Variants in TMPRSS6 observed in about 807,000 individuals in gnomAD.
The protein encoded by TMPRSS6 is transmembrane protease serine 6.
Under a neutral mutation model 101.5 loss-of-function variants are expected in TMPRSS6, and 67 were observed. That is an observed-to-expected ratio of 0.66 (90% CI 0.54 to 0.81). TMPRSS6 has a LOEUF of 0.81. Ranked by LOEUF, TMPRSS6 falls within the 30% of genes least tolerant of loss-of-function variation. TMPRSS6 has a pLI of 0.00. For missense variants in TMPRSS6, 1,034 were observed against 1,088.7 expected, an observed-to-expected ratio of 0.95 and a Z score of 0.71; for synonymous variants, 453 against 464.9, an observed-to-expected ratio of 0.97 and a Z score of 0.33.
rs1569005359 is a variant in TMPRSS6, at chr22:37,078,784, GA to G, written c.1197-3505del. Among the ~76,000 whole-genome samples the G allele has an allele frequency of 1.6e-3, 226 of 138,540 alleles. 1 individual carries two copies. The highest frequency in any genetic ancestry group is 6.5e-3 in the African/African-American group (214 of 33,092). 90.9% of individuals were successfully genotyped at this position (138,540 alleles called of 152,430 possible). A position where few individuals can be genotyped will look rare whatever the true frequency, so the allele number is the denominator to read the frequency against. On this transcript the variant is annotated intron_variant, in intron 10 of 17. Transcript: ENST00000676104. ...AAGAGAATGAGGAGAAGGAGGAGGA[GA>G]AGAAGAAGGAGGAGGAGGAAGAGGA...
rs995492515 is a variant in TMPRSS6 at position 37,074,635 on chromosome 22, G to A, written c.1416C>T (p.Pro472=). 1.9e-6 allele frequency: 3 copies of A among 1,614,078 alleles called. No individual in the cohort carries two copies. Among genetic ancestry groups the A allele is most frequent in the African/African-American group, 1.3e-5 (1 of 74,930 alleles). Residue 472 remains proline (P), a synonymous_variant, in exon 12 of 18, where the codon CCC becomes CCT. Transcript: ENST00000676104. ...CGCAGTTTCTCTCATCCAGGCCGTT[G>A]GGGCAGTCCTTGACCCCATCACAGG... ...VPACDGVKDC[P]NGLDERNCVC... is the part of the protein sequence containing the mutation.
intron 13 of TMPRSS6, among the ~76,000 whole-genome samples, 170 bp downstream of exon 13, chr22:37,073,346 AGATGGATGGATGGATG>A (rs61496676): frequency 1.1e-4 from 15 of 140,938 alleles, no homozygotes; most frequent in African/African-American, 2.2e-4. Context: ...GGAGACCAGA[AGATGGATGGATGGATG>A]GATGGATGGA....
At chr22:37,094,428 T>G (rs2743823) in intron 6 of TMPRSS6, among the ~76,000 whole-genome samples, 29,890 of 136,120 alleles carry the variant, frequency 0.22, 3,066 homozygotes, top group Non-Finnish European at 0.23. Flanking sequence ...GATAGATAGA[T>G]ATAAACAGAC....
At chr22:37,096,491 G>T (rs989333716) in intron 4 of TMPRSS6, among the ~76,000 whole-genome samples, 157 bp downstream of exon 4, 1 of 152,176 alleles carries the variant, frequency 6.6e-6, no homozygotes, top group African/African-American at 2.4e-5. Flanking sequence ...TGAGCCCAGT[G>T]AAGGGAGGGT....
intron 3 of TMPRSS6, 24 bp from the exon 4 acceptor site, chr22:37,096,739 C>A: frequency 6.4e-7 from 1 of 1,556,252 alleles, no homozygotes; most frequent in South Asian, 1.2e-5. Context: ...AGACAACAGC[C>A]CCTGGGACCC....
At chr22:37,096,210 C>G in intron 4 of TMPRSS6, 120 bp from the exon 5 acceptor site, 1 of 1,146,126 alleles carries the variant, frequency 8.7e-7, no homozygotes, top group Non-Finnish European at 1.3e-6. Context: ...CGTCTTCACG[C>G]AGAAGCCTCC....
chr22:37,067,721 G>C (rs1926439011), intron 16 of TMPRSS6, among the ~76,000 whole-genome samples: 1 of 130,764 alleles, frequency 7.6e-6, no homozygotes, highest in South Asian at 2.3e-4. Context: ...CAGTCCCCCG[G>C]GGAGCCTTGA....
At chr22:37,094,205 C>T (rs1413935121) in intron 6 of TMPRSS6, among the ~76,000 whole-genome samples, 5 of 152,106 alleles carry the variant, frequency 3.3e-5, no homozygotes, top group Non-Finnish European at 7.4e-5. Flanking sequence ...CAACCTCAGA[C>T]TCTGTAGAGG....
At chr22:37,095,666 T>C (rs1295725038) in intron 5 of TMPRSS6, 74 bp from the exon 6 acceptor site, 2 of 1,409,756 alleles carry the variant, frequency 1.4e-6, no homozygotes, top group Admixed American at 2.4e-5. Context: ...ACAATGAAAA[T>C]AAAATTAGAG....
chr22:37,088,575 G>A (rs1928971067), intron 7 of TMPRSS6, among the ~76,000 whole-genome samples: 1 of 152,126 alleles, frequency 6.6e-6, no homozygotes, highest in African/African-American at 2.4e-5. Context: ...GGCTCCCAGA[G>A]GTCAAGGCCA....
chr22:37,078,973 A>AAAAGGAAGAAAGAAAGAAAG (rs1928005845), intron 10 of TMPRSS6, among the ~76,000 whole-genome samples: 1 of 106,510 alleles, frequency 9.4e-6, no homozygotes, highest in Non-Finnish European at 1.9e-5. Flanking sequence ...GAAAGAAAGA[A>AAAAGGAAGAAAGAAAGAAAG]AAAGAAAGAA....
chr22:37,082,889 T>G, intron 10 of TMPRSS6: 1 of 450,268 alleles, frequency 2.2e-6, no homozygotes, highest in East Asian at 7.0e-5. Context: ...CCCAGATAAA[T>G]TGCAAAAAGG....
upstream of TMPRSS6, among the ~76,000 whole-genome samples, chr22:37,110,424 A>G (rs576115405): frequency 6.6e-6 from 1 of 152,006 alleles, no homozygotes; most frequent in Non-Finnish European, 1.5e-5. Context: ...GATTACAGGC[A>G]TGAGCGACCG....
In TMPRSS6 at chr22:37,066,126, G is replaced by T. The variant is rs1926254405; in HGVS notation, c.2363C>A (p.Thr788Asn). 1 of 1,613,550 alleles carries T rather than the reference G, an allele frequency of 6.2e-7. No homozygotes were observed. The highest frequency in any genetic ancestry group is 8.5e-7 in the Non-Finnish European group (1 of 1,180,024). Residue 788 changes from threonine to asparagine, a missense_variant, in exon 18 of 18, where the codon ACC (threonine) becomes AAC (asparagine). Physicochemically the swap from Thr to Asn is moderately conservative, Grantham distance 65 (BLOSUM62 0). Transcript: ENST00000676104. ...CCAGCTGATCACACCTGTGATGCGG[G>T]TGTAGACGCCGAAGTAGTTAGGCCG... ...CGRPNYFGVY[T>N]RITGVISWIQ...
chr22:37,072,603 A>T (rs1231766657), intron 13 of TMPRSS6, among the ~76,000 whole-genome samples: 4 of 133,828 alleles, frequency 3.0e-5, no homozygotes, highest in Non-Finnish European at 6.4e-5. Flanking sequence ...TGATGGATGG[A>T]TGGATGGATG....
intron 3 of TMPRSS6, among the ~76,000 whole-genome samples, chr22:37,097,687 AGCGGGCCACC>A (rs1929891857): frequency 2.1e-5 from 3 of 145,280 alleles, no homozygotes; most frequent in Non-Finnish European, 3.0e-5. Flanking sequence ...GAGGGGCAGG[AGCGGGCCACC>A]GTCTTGTAAC....
intron 10 of TMPRSS6, among the ~76,000 whole-genome samples, chr22:37,079,035 G>A (rs1363442445): frequency 6.6e-6 from 1 of 151,952 alleles, no homozygotes; most frequent in African/African-American, 2.4e-5. Flanking sequence ...GAGAAAGAAA[G>A]AAAAGCCCCG....
intron 5 of TMPRSS6, 56 bp downstream of exon 5, chr22:37,095,850 G>A: frequency 6.2e-7 from 1 of 1,605,308 alleles, no homozygotes; most frequent in Non-Finnish European, 8.5e-7. Context: ...CCACACCACA[G>A]CTTGTTTCCC....
chr22:37,105,732 C>T (rs368466594), intron 1 of TMPRSS6, among the ~76,000 whole-genome samples: 2 of 152,168 alleles, frequency 1.3e-5, no homozygotes, highest in Non-Finnish European at 1.5e-5. Flanking sequence ...TATGGTAGCA[C>T]GATCATAGCT....
Sources: allele counts gnomAD v4.1 joint callset (sites outside exome capture counted in the v4.1 genomes callset), GRCh38; gene constraint gnomAD v4.1.1; transcripts MANE v1.5; gene names NCBI Gene and HGNC (gene_info 2026-07-23, HGNC 2026-07-21).